Variants in TRPC6 observed in about 807,000 individuals in gnomAD.
The protein encoded by TRPC6 is short transient receptor potential channel 6.
In TRPC6, 55 loss-of-function variants were observed where a neutral mutation model predicts 90.7. That is an observed-to-expected ratio of 0.61 (90% CI 0.49 to 0.76). TRPC6 has a LOEUF of 0.76. Ranked by LOEUF, TRPC6 falls within the 30% of genes least tolerant of loss-of-function variation. The pLI is 0.00. For missense variants in TRPC6, 989 were observed against 1,122.7 expected (o/e 0.88, Z 1.70); for synonymous variants, 393 against 393.0 (o/e 1.00, Z 0.00).
chr11:101,528,486 T>A (rs1290454546), intron 1 of TRPC6, among the ~76,000 whole-genome samples: 1 of 152,210 alleles, frequency 6.6e-6, no homozygotes, highest in African/African-American at 2.4e-5. Flanking sequence ...CTTAAAATTA[T>A]CTTTAAACAG....
intron 1 of TRPC6, among the ~76,000 whole-genome samples, chr11:101,526,304 C>A (rs532767416): frequency 6.6e-6 from 1 of 152,016 alleles, no homozygotes; most frequent in African/African-American, 2.4e-5. Flanking sequence ...GATATCCATG[C>A]GAAATGGTAT....
chr11:101,469,019 G>T (rs537694776), intron 10 of TRPC6, among the ~76,000 whole-genome samples: 46 of 152,214 alleles, frequency 3.0e-4, no homozygotes, highest in African/African-American at 1.1e-3. Context: ...AGCCATTAAG[G>T]TCCCACAGTG....
At chr11:101,534,247 T>C (rs753688815) in intron 1 of TRPC6, among the ~76,000 whole-genome samples, 4 of 152,204 alleles carry the variant, frequency 2.6e-5, no homozygotes, top group Non-Finnish European at 5.9e-5. Flanking sequence ...GAGATTTTGC[T>C]ACTTCAGCCT....
chr11:101,495,857 A>G (rs1173189949), intron 2 of TRPC6, among the ~76,000 whole-genome samples: 2 of 152,158 alleles, frequency 1.3e-5, no homozygotes, highest in Non-Finnish European at 2.9e-5. Context: ...AAGATTCTAC[A>G]TGTGAGGAGT....
chr11:101,528,680 T>C lies in TRPC6; in HGVS notation c.171-23882A>G, dbSNP rs141354016. ...AGATGCAGGACCATCACCTTTGCCATGTGGTACTTTCTTAGCCTGTGCATA... is the reference window on the plus strand; with the variant it reads ...AGATGCAGGACCATCACCTTTGCCACGTGGTACTTTCTTAGCCTGTGCATA... On this transcript the variant is annotated intron_variant, in intron 1 of 12. Transcript: ENST00000344327. 4.8e-3 allele frequency among the ~76,000 whole-genome samples: 737 copies of C among 152,282 alleles called. 3 individuals carry two copies. Among genetic ancestry groups the C allele is most frequent in the African/African-American group, 0.016 (685 of 41,560 alleles).
intron 5 of TRPC6, among the ~76,000 whole-genome samples, chr11:101,477,107 A>G (rs1256479479): frequency 2.6e-5 from 4 of 151,580 alleles, no homozygotes; most frequent in Non-Finnish European, 5.9e-5. Context: ...CTTGGGAGAC[A>G]TGGGACTCTT....
Position 101,504,293 on chromosome 11 carries a change from C to A in TRPC6, c.676G>T (p.Ala226Ser). The A allele has an allele frequency of 6.2e-7, 1 of 1,613,104 alleles. No homozygotes were observed. The highest frequency in any genetic ancestry group is 1.1e-5 in the South Asian group (1 of 91,072). ...FSHDVTPIIL[A>S]AHCQEYEIVH... Reference sequence around the variant, plus strand: ...ATTTCATATTCCTGGCAGTGGGCAGCCAGAATGATTGGAGTCACATCATGG... The same window carrying A: ...ATTTCATATTCCTGGCAGTGGGCAGACAGAATGATTGGAGTCACATCATGG... The change falls in exon 2 of 13, where the codon GCT (alanine) becomes TCT (serine). Residue 226 changes from alanine to serine, a missense_variant. Physicochemically the swap from Ala to Ser is moderately conservative, Grantham distance 99 (BLOSUM62 1). Coordinates refer to ENST00000344327, the MANE Select transcript of TRPC6 (RefSeq NM_004621.6).
intron 4 of TRPC6, 63 bp from the exon 5 acceptor site, chr11:101,483,228 T>A: frequency 6.6e-7 from 1 of 1,515,838 alleles, no homozygotes; most frequent in Non-Finnish European, 9.1e-7. Flanking sequence ...AAAACACACA[T>A]ACATACATGC....
chr11:101,499,618 TAC>T lies in TRPC6; in HGVS notation c.945+4404_945+4405del, dbSNP rs1200365377. On this transcript the variant is annotated intron_variant, in intron 2 of 12. Transcript: ENST00000344327. ...TATACGTATATATGGTATATATATA[TAC>T]ACACACAATATAAAATGTGTATATA... 7.0e-5 allele frequency among the ~76,000 whole-genome samples: 9 copies of T among 127,888 alleles called. 2 individuals carry two copies. Among genetic ancestry groups the T allele is most frequent in the South Asian group, 2.4e-4 (1 of 4,164 alleles). 83.9% of individuals were successfully genotyped at this position (127,888 alleles called of 152,430 possible). A position where few individuals can be genotyped will look rare whatever the true frequency, so the allele number is the denominator to read the frequency against.
chr11:101,470,062 A>G (rs544948731), intron 9 of TRPC6, among the ~76,000 whole-genome samples: 120 of 152,312 alleles, frequency 7.9e-4, no homozygotes, highest in African/African-American at 2.8e-3. Flanking sequence ...TATTGCAAGG[A>G]AACTTTATAA....
chr11:101,452,997 C>A lies in TRPC6; in HGVS notation c.2754G>T (p.Glu918Asp), dbSNP rs1858798465. ...DLAELIRELG[E>D]KLSMEPNQEE... ...CTTGATTTGGTTCCATGGATAATTTCTCTCCAAGTTCTCTAATAAGTTCTG... is the reference window on the plus strand; with the variant it reads ...CTTGATTTGGTTCCATGGATAATTTATCTCCAAGTTCTCTAATAAGTTCTG... Residue 918 changes from glutamate (E) to aspartate (D), a missense_variant, in exon 13 of 13, where the codon GAG becomes GAT. Glu to Asp is a conservative substitution (Grantham distance 45). Coordinates refer to ENST00000344327, the MANE Select transcript of TRPC6 (RefSeq NM_004621.6). 1 of 1,613,914 alleles carries A rather than the reference C, an allele frequency of 6.2e-7. No homozygotes were observed. The highest frequency in any genetic ancestry group is 8.5e-7 in the Non-Finnish European group (1 of 1,179,888).
chr11:101,537,405 T>C (rs919472803), intron 1 of TRPC6, among the ~76,000 whole-genome samples: 5 of 152,220 alleles, frequency 3.3e-5, no homozygotes, highest in Admixed American at 3.3e-4. Context: ...TCCTTGTATT[T>C]TTTTTTGTAG....
chr11:101,561,441 T>C (rs1861710852), intron 1 of TRPC6, among the ~76,000 whole-genome samples: 1 of 152,184 alleles, frequency 6.6e-6, no homozygotes, highest in Admixed American at 6.6e-5. Context: ...AACTCTTTTA[T>C]TCACTTAGAA....
intron 10 of TRPC6, among the ~76,000 whole-genome samples, chr11:101,462,872 TC>T (rs886670006): frequency 2.3e-3 from 353 of 152,324 alleles, no homozygotes; most frequent in African/African-American, 8.2e-3. Flanking sequence ...AGGGAGGACA[TC>T]CTTCTCTTGT....
At chr11:101,533,568 T>C (rs1476098059) in intron 1 of TRPC6, among the ~76,000 whole-genome samples, 1 of 152,062 alleles carries the variant, frequency 6.6e-6, no homozygotes, top group Non-Finnish European at 1.5e-5. Context: ...ATGCAAACCA[T>C]ATCAGAGTTG....
chr11:101,548,020 C>CT, intron 1 of TRPC6, among the ~76,000 whole-genome samples: 1 of 152,142 alleles, frequency 6.6e-6, no homozygotes, highest in East Asian at 1.9e-4. Context: ...CCAACTATGA[C>CT]TTTAAGATTC....
chr11:101,580,289 A>G (rs901251680), intron 1 of TRPC6, among the ~76,000 whole-genome samples: 2 of 152,172 alleles, frequency 1.3e-5, no homozygotes, highest in Non-Finnish European at 2.9e-5. Flanking sequence ...TAAAGTTCTA[A>G]ATAAAGGAAA....
intron 12 of TRPC6, among the ~76,000 whole-genome samples, chr11:101,453,320 T>C (rs539836946): frequency 6.6e-6 from 1 of 152,260 alleles, no homozygotes; most frequent in Non-Finnish European, 1.5e-5. Context: ...ACAAAAGCCC[T>C]CCTAAAGTAA....
intron 5 of TRPC6, among the ~76,000 whole-genome samples, chr11:101,481,430 A>G (rs1859548187): frequency 6.6e-6 from 1 of 152,196 alleles, no homozygotes; most frequent in Admixed American, 6.5e-5. Context: ...CCCAGGGATC[A>G]TACTTTCTAT....
Sources: gnomAD v4.1 joint callset for allele counts (sites outside exome capture counted in the v4.1 genomes callset) on GRCh38, gnomAD v4.1.1 for gene constraint, MANE v1.5 for transcripts, NCBI Gene and HGNC (gene_info 2026-07-23, HGNC 2026-07-21) for gene names.